The following DLG2 variants were observed in gnomAD, a reference collection of about 807,000 sequenced individuals.
DLG2 encodes the protein discs large MAGUK scaffold protein 2.
A neutral mutation model predicts 132.5 loss-of-function variants in DLG2; 45 were observed. The ratio of observed to expected loss-of-function variants is 0.34; its 90% CI spans 0.27 to 0.44. DLG2 has a LOEUF of 0.44. Among genes scored for constraint, DLG2 ranks in the 20% least tolerant of loss-of-function variants. The pLI, the probability that DLG2 is intolerant of heterozygous loss-of-function variation, is 1.00. For synonymous variants in DLG2, 424 were observed against 419.6 expected (o/e 1.01, Z -0.13); for missense variants, 1,045 against 1,196.9 (o/e 0.87, Z 1.87).
At chr11:84,935,836 A>G (rs1471653792) in intron 6 of DLG2, among the ~76,000 whole-genome samples, 2 of 152,166 alleles carry the variant, frequency 1.3e-5, no homozygotes, top group Admixed American at 6.5e-5. Context: ...TAGCCAAAAC[A>G]TATTTAAATA....
At chr11:85,033,386 C>CAAAAAA (rs750024023) in intron 6 of DLG2, among the ~76,000 whole-genome samples, 1 of 80,872 alleles carries the variant, frequency 1.2e-5, no homozygotes, top group African/African-American at 4.4e-5. Flanking sequence ...TATATCCTAG[C>CAAAAAA]AAAAAAAAAA....
intron 7 of DLG2, among the ~76,000 whole-genome samples, chr11:84,326,602 T>A (rs2098434389): frequency 6.6e-6 from 1 of 152,220 alleles, no homozygotes; most frequent in African/African-American, 2.4e-5. Context: ...CATGATTCCA[T>A]CTTCTTAAAT....
At chr11:84,899,534 T>C (rs1243139636) in intron 6 of DLG2, among the ~76,000 whole-genome samples, 1 of 152,008 alleles carries the variant, frequency 6.6e-6, no homozygotes, top group Non-Finnish European at 1.5e-5. Flanking sequence ...TTCCATAACT[T>C]CTCTTCTTCC....
chr11:84,384,458 C>CA (rs2098760803), intron 7 of DLG2, among the ~76,000 whole-genome samples: 1 of 151,960 alleles, frequency 6.6e-6, no homozygotes, highest in Non-Finnish European at 1.5e-5. Flanking sequence ...GTAAGCTTTG[C>CA]AAAATTAAGC....
intron 8 of DLG2, among the ~76,000 whole-genome samples, chr11:84,179,753 G>C (rs775994485): frequency 4.6e-5 from 7 of 152,056 alleles, no homozygotes; most frequent in Non-Finnish European, 1.5e-5. Context: ...GGTTTTACCA[G>C]GGCCTAACAT....
chr11:85,078,850 A>T (rs2066883476), intron 6 of DLG2, among the ~76,000 whole-genome samples: 1 of 152,126 alleles, frequency 6.6e-6, no homozygotes, highest in African/African-American at 2.4e-5. Flanking sequence ...TAGAAACAAG[A>T]TCCTAAATAA....
intron 19 of DLG2, among the ~76,000 whole-genome samples, chr11:83,623,340 C>A (rs1054112358): frequency 6.6e-6 from 1 of 152,204 alleles, no homozygotes; most frequent in African/African-American, 2.4e-5. Context: ...AAACCATTTG[C>A]AAGCCATGAC....
At chr11:83,544,919 C>T (rs534550806) in intron 19 of DLG2, among the ~76,000 whole-genome samples, 3 of 152,266 alleles carry the variant, frequency 2.0e-5, no homozygotes, top group Admixed American at 6.6e-5. Context: ...TGCTCACGAT[C>T]TAGCAGTGCC....
At chr11:85,376,157 G>C (rs1336037140) in intron 3 of DLG2, among the ~76,000 whole-genome samples, 1 of 152,140 alleles carries the variant, frequency 6.6e-6, no homozygotes, top group Non-Finnish European at 1.5e-5. Context: ...TCCAGTAGAA[G>C]ATATGGTCTG....
At chr11:85,287,960 A>G (rs2152764692) in intron 3 of DLG2, among the ~76,000 whole-genome samples, 1 of 152,240 alleles carries the variant, frequency 6.6e-6, no homozygotes, top group South Asian at 2.1e-4. Flanking sequence ...ACATGTAACA[A>G]AACAAATAGA....
At chr11:84,683,943 A>C (rs1782053155) in intron 6 of DLG2, among the ~76,000 whole-genome samples, 1 of 152,200 alleles carries the variant, frequency 6.6e-6, no homozygotes. Context: ...TATACCAACA[A>C]AATCAGGAAC....
chr11:84,201,707 T>C (rs918508072), intron 8 of DLG2, among the ~76,000 whole-genome samples: 4 of 151,744 alleles, frequency 2.6e-5, no homozygotes, highest in African/African-American at 9.7e-5. Flanking sequence ...CAAGAATGTA[T>C]CAATTTTTTC....
chr11:84,384,161 A>G (rs2098759499), intron 7 of DLG2, among the ~76,000 whole-genome samples: 1 of 151,356 alleles, frequency 6.6e-6, no homozygotes, highest in Non-Finnish European at 1.5e-5. Context: ...GAAAGCTGGA[A>G]GTGTATTTAT....
chr11:84,871,830 A>T (rs2085511320), intron 6 of DLG2, among the ~76,000 whole-genome samples: 1 of 152,064 alleles, frequency 6.6e-6, no homozygotes, highest in South Asian at 2.1e-4. Context: ...TCAAGCGAGC[A>T]TGTGCGGCTA....
At chr11:83,574,512 T>C (rs1168282345) in intron 19 of DLG2, among the ~76,000 whole-genome samples, 2 of 152,188 alleles carry the variant, frequency 1.3e-5, no homozygotes, top group Non-Finnish European at 2.9e-5. Context: ...TGTGCTGTGA[T>C]CTGATCATTT....
intron 15 of DLG2, among the ~76,000 whole-genome samples, chr11:83,906,251 TCTCTCTCACACACA>T (rs2074843313): frequency 1.0e-5 from 1 of 97,444 alleles, no homozygotes; most frequent in Non-Finnish European, 2.2e-5. Context: ...TCTCTCTCTC[TCTCTCTCACACACA>T]CACACACACA....
At chr11:83,697,147 T>C (rs968332009) in intron 18 of DLG2, among the ~76,000 whole-genome samples, 1 of 152,162 alleles carries the variant, frequency 6.6e-6, no homozygotes, top group Non-Finnish European at 1.5e-5. Flanking sequence ...GAGGAGAAAG[T>C]AGAAGTTTGG....
chr11:85,396,671 G>T (rs988263564), intron 3 of DLG2, among the ~76,000 whole-genome samples: 4 of 152,116 alleles, frequency 2.6e-5, no homozygotes, highest in Non-Finnish European at 5.9e-5. Flanking sequence ...TGGAAGAAAG[G>T]ATATCAGTAA....
chr11:83,858,043 T>G (rs1016876844), intron 16 of DLG2, among the ~76,000 whole-genome samples: 1 of 152,158 alleles, frequency 6.6e-6, no homozygotes, highest in Admixed American at 6.5e-5. Context: ...AAAAGGAAGA[T>G]TGCAGCACTG....
Sources: allele counts gnomAD v4.1 joint callset (sites outside exome capture counted in the v4.1 genomes callset), GRCh38; gene constraint gnomAD v4.1.1; transcripts MANE v1.5; gene names NCBI Gene and HGNC (gene_info 2026-07-23, HGNC 2026-07-21).